Variants in PTBP2 observed in about 807,000 individuals in gnomAD.
PTBP2 encodes polypyrimidine tract binding protein 2, also known as polypyrimidine tract-binding protein 2.
Under a neutral mutation model 61.4 loss-of-function variants are expected in PTBP2, and 13 were observed. The observed-to-expected ratio is 0.21, with a 90% CI of 0.14 to 0.34. PTBP2 has a LOEUF of 0.34. Ranked by LOEUF, PTBP2 falls within the 10% of genes least tolerant of loss-of-function variation. The probability of loss-of-function intolerance (pLI) is 1.00; values close to 1 mark genes in which losing one functional copy is unlikely to be tolerated. For synonymous variants in PTBP2, 215 were observed against 218.5 expected, an observed-to-expected ratio of 0.98 and a Z score of 0.14; for missense variants, 405 against 642.6, an observed-to-expected ratio of 0.63 and a Z score of 4.00.
chr1:96,790,915 C>G (rs1280240760), intron 8 of PTBP2, among the ~76,000 whole-genome samples: 8 of 152,010 alleles, frequency 5.3e-5, no homozygotes, highest in Admixed American at 5.2e-4. Flanking sequence ...ATTTTTCTCT[C>G]AGAAGGAATT....
chr1:96,803,929 A>T (rs1438788002), intron 8 of PTBP2, among the ~76,000 whole-genome samples: 1 of 152,180 alleles, frequency 6.6e-6, no homozygotes, highest in African/African-American at 2.4e-5. Flanking sequence ...CTGGGTGTGT[A>T]AGAATTTAAG....
At chr1:96,764,831 A>G (rs895679570) in intron 3 of PTBP2, among the ~76,000 whole-genome samples, 10 of 152,234 alleles carry the variant, frequency 6.6e-5, no homozygotes, top group African/African-American at 2.2e-4. Flanking sequence ...TCTTGTATAT[A>G]AAGGTAGTGA....
chr1:96,809,568 AGTGGTGCTATT>A (rs1661839154), intron 11 of PTBP2, among the ~76,000 whole-genome samples: 1 of 152,076 alleles, frequency 6.6e-6, no homozygotes, highest in African/African-American at 2.4e-5. Flanking sequence ...GGTGGAGTGC[AGTGGTGCTATT>A]GTGGCTCACT....
At chr1:96,792,539 A>G (rs1022647727) in intron 8 of PTBP2, among the ~76,000 whole-genome samples, 3 of 152,170 alleles carry the variant, frequency 2.0e-5, no homozygotes, top group African/African-American at 7.2e-5. Context: ...TAGAATAGTT[A>G]TCAAGAATAG....
At chr1:96,802,744 G>T (rs1661148451) in intron 8 of PTBP2, among the ~76,000 whole-genome samples, 1 of 152,062 alleles carries the variant, frequency 6.6e-6, no homozygotes, top group African/African-American at 2.4e-5. Context: ...TACAGACTAT[G>T]GAATTTAATA....
At chr1:96,729,383 C>G (rs540498558) in intron 2 of PTBP2, among the ~76,000 whole-genome samples, 1 of 152,232 alleles carries the variant, frequency 6.6e-6, no homozygotes, top group South Asian at 2.1e-4. Context: ...AGTTTTCTTT[C>G]TTTTCTATCT....
intron 3 of PTBP2, among the ~76,000 whole-genome samples, chr1:96,752,069 G>C (rs1227876033): frequency 6.6e-6 from 1 of 151,984 alleles, no homozygotes; most frequent in Non-Finnish European, 1.5e-5. Flanking sequence ...GTATATGTCT[G>C]AAATAATGTT....
chr1:96,819,127 T>C (rs1662589953), downstream of PTBP2: 1 of 152,040 alleles, frequency 6.6e-6, no homozygotes, highest in South Asian at 2.1e-4. Flanking sequence ...CTGATTTGTT[T>C]ATTACATTTT....
intron 3 of PTBP2, among the ~76,000 whole-genome samples, chr1:96,765,966 T>C (rs1656657955): frequency 6.6e-6 from 1 of 152,140 alleles, no homozygotes; most frequent in Non-Finnish European, 1.5e-5. Context: ...GGTTCACAGT[T>C]CCTTGTTGAC....
chr1:96,744,692 T>C (rs1653510166), intron 2 of PTBP2, among the ~76,000 whole-genome samples: 2 of 152,182 alleles, frequency 1.3e-5, no homozygotes. Flanking sequence ...TGTCTTAAGT[T>C]CTTTAAATTA....
chr1:96,810,401 T>C (rs1037096239), intron 11 of PTBP2, among the ~76,000 whole-genome samples: 3 of 152,210 alleles, frequency 2.0e-5, no homozygotes, highest in African/African-American at 7.2e-5. Flanking sequence ...GTTTTCTTTT[T>C]TACTTAAAAA....
intron 8 of PTBP2, among the ~76,000 whole-genome samples, chr1:96,793,651 A>T (rs928128320): frequency 3.3e-5 from 5 of 152,188 alleles, no homozygotes; most frequent in African/African-American, 9.7e-5. Flanking sequence ...GATTACAGTC[A>T]TGAGCCACCG....
At chr1:96,810,882 C>T (rs759371134) in intron 11 of PTBP2, among the ~76,000 whole-genome samples, 1 of 152,004 alleles carries the variant, frequency 6.6e-6, no homozygotes, top group African/African-American at 2.4e-5. Flanking sequence ...CAGGTGTAAG[C>T]GTAAATTTGC....
chr1:96,790,191 T>A (rs1452931182), intron 8 of PTBP2, among the ~76,000 whole-genome samples: 2 of 152,162 alleles, frequency 1.3e-5, no homozygotes, highest in Admixed American at 1.3e-4. Flanking sequence ...TAGAGTGTCA[T>A]GTTAACTTGT....
chr1:96,733,890 C>T (rs1470925125), intron 2 of PTBP2, among the ~76,000 whole-genome samples: 1 of 152,110 alleles, frequency 6.6e-6, no homozygotes, highest in Non-Finnish European at 1.5e-5. Flanking sequence ...GACTGATCTC[C>T]AAAAAGATTG....
chr1:96,729,958 G>A (rs1403080725), intron 2 of PTBP2, among the ~76,000 whole-genome samples: 2 of 151,874 alleles, frequency 1.3e-5, no homozygotes, highest in African/African-American at 2.4e-5. Flanking sequence ...GGTTGGTCTC[G>A]AACTTGTGAT....
chr1:96,798,551 A>T (rs971868800), intron 8 of PTBP2, among the ~76,000 whole-genome samples: 1 of 152,198 alleles, frequency 6.6e-6, no homozygotes, highest in African/African-American at 2.4e-5. Flanking sequence ...CTTTGGATGG[A>T]ACTTTTAGAA....
chr1:96,808,660 T>G (rs1311000697), intron 11 of PTBP2, among the ~76,000 whole-genome samples: 1 of 152,214 alleles, frequency 6.6e-6, no homozygotes, highest in East Asian at 1.9e-4. Context: ...AAGTTTTGAC[T>G]TGCTAGTAGG....
At chr1:96,791,990 C>T (rs112155881) in intron 8 of PTBP2, among the ~76,000 whole-genome samples, 23 of 151,936 alleles carry the variant, frequency 1.5e-4, no homozygotes, top group East Asian at 1.4e-3. Flanking sequence ...CACGCCACCA[C>T]GCCCAGCTAA....
Sources: allele counts gnomAD v4.1 joint callset (sites outside exome capture counted in the v4.1 genomes callset), GRCh38; gene constraint gnomAD v4.1.1; transcripts MANE v1.5; gene names NCBI Gene and HGNC (gene_info 2026-07-23, HGNC 2026-07-21).